The following CLCC1 variants were observed in gnomAD, a reference collection of about 807,000 sequenced individuals.
CLCC1 encodes chloride channel CLIC like 1.
CLCC1 carries 39 observed loss-of-function variants against 63.3 expected under a neutral mutation model. That is an observed-to-expected ratio of 0.62 (90% confidence interval 0.48 to 0.81). The LOEUF is 0.81. CLCC1 is among the 30% of genes least tolerant of loss of function. The pLI is 0.00. For synonymous variants in CLCC1, 217 were observed against 239.8 expected, an observed-to-expected ratio of 0.90 and a Z score of 0.88; for missense variants, 549 against 669.4, an observed-to-expected ratio of 0.82 and a Z score of 1.98.
At chr1:108,940,293 G>C (rs1653678368) in intron 8 of CLCC1, 151 bp from the exon 9 acceptor site, 1 of 438,368 alleles carries the variant, frequency 2.3e-6, no homozygotes. Context: ...CTGTAATGCT[G>C]ATTTTTAAAT....
intron 8 of CLCC1, 45 bp from the exon 9 acceptor site, chr1:108,940,187 T>C (rs751770891): frequency 7.5e-7 from 1 of 1,327,610 alleles, no homozygotes; most frequent in Admixed American, 1.8e-5. Flanking sequence ...CTTTTAATGT[T>C]GCATTTCATT....
intron 11 of CLCC1, 31 bp downstream of exon 11, chr1:108,937,046 G>A (rs889620749): frequency 5.6e-6 from 8 of 1,421,740 alleles, no homozygotes; most frequent in Non-Finnish European, 7.5e-6. Context: ...AGTAATGAAG[G>A]GACAGCAGAA....
chr1:108,931,405 A>C lies in CLCC1; in HGVS notation c.*1142T>G. The stretch of plus-strand genomic sequence containing the variant: ...GGGACAGACTGGGACCTGGAGTAAC[A>C]CTGGATCACAGACTGCAAAGGCCCA... On this transcript the variant is annotated 3_prime_UTR_variant, in exon 13 of 13. Transcript: ENST00000369969. 6.4e-7 allele frequency: 1 copy of C among 1,551,128 alleles called. No individual in the cohort carries two copies. Among genetic ancestry groups the C allele is most frequent in the Non-Finnish European group, 8.7e-7 (1 of 1,147,120 alleles).
intron 5 of CLCC1, among the ~76,000 whole-genome samples, chr1:108,945,581 A>G (rs1306979183): frequency 1.3e-5 from 2 of 152,212 alleles, no homozygotes. Flanking sequence ...AATGAGGTCA[A>G]TTCATAAATA....
rs201203368 is a variant in CLCC1, at chr1:108,949,906, A to T, written c.145T>A (p.Ser49Thr). The change falls in exon 4 of 13, where the codon TCA becomes ACA. Residue 49 changes from serine to threonine, a missense_variant. Coordinates refer to ENST00000369969, the MANE Select transcript of CLCC1 (RefSeq NM_001377458.1). The stretch of plus-strand genomic sequence containing the variant: ...TCAGGACTGACATCCTTTTCCCCTG[A>T]AATACCATATTTTGCCTAAAACAGA... ...MRKSQAKYGI[S>T]GEKDVSPDLS... 3.3e-5 allele frequency: 53 copies of T among 1,596,220 alleles called. No individual in the cohort carries two copies. The highest frequency in any genetic ancestry group is 4.3e-5 in the Non-Finnish European group (50 of 1,172,488).
intron 2 of CLCC1, among the ~76,000 whole-genome samples, chr1:108,960,063 G>A (rs1656426638): frequency 6.6e-6 from 1 of 152,110 alleles, no homozygotes; most frequent in African/African-American, 2.4e-5. Context: ...GAGCCGGGGA[G>A]GTTGAAGCTG....
intron 2 of CLCC1, among the ~76,000 whole-genome samples, chr1:108,956,660 C>A (rs370823670): frequency 2.5e-3 from 328 of 133,490 alleles, no homozygotes; most frequent in Middle Eastern, 4.1e-3. Context: ...GACTCCGTCT[C>A]AAAAAAAAAA....
chr1:108,955,178 A>G (rs1655720966), intron 2 of CLCC1, among the ~76,000 whole-genome samples: 1 of 151,326 alleles, frequency 6.6e-6, no homozygotes, highest in African/African-American at 2.5e-5. Flanking sequence ...AGGAGTCTAC[A>G]CAGACAAAGG....
intron 2 of CLCC1, among the ~76,000 whole-genome samples, chr1:108,960,140 AAAAC>A (rs993092055): frequency 1.3e-5 from 2 of 152,214 alleles, no homozygotes; most frequent in Admixed American, 6.5e-5. Context: ...ACTCAATTAA[AAAAC>A]AAACAAACAA....
Position 108,934,776 on chromosome 1 carries a change from A to G in CLCC1, c.1550T>C (p.Leu517Pro), listed in dbSNP as rs1652620293. The part of the protein sequence containing the change: ...EGSPAAEKAQ[L>P]KSEAAGSPDQ... ...TGGGCTGCCTGCGGCTTCAGACTTG[A>G]GCTGGGCCTTTTCCGCTGCGGGTGA... Residue 517 changes from leucine to proline, a missense_variant, in exon 12 of 13, where the codon CTC becomes CCC. By Grantham distance (98) the Leu-to-Pro change is moderately conservative. Transcript: ENST00000369969. 1 of 1,613,996 alleles carries G rather than the reference A, an allele frequency of 6.2e-7. No homozygotes were observed. Among genetic ancestry groups the G allele is most frequent in the African/African-American group, 1.3e-5 (1 of 74,892 alleles).
At chr1:108,942,180 T>C (rs561117129) in intron 7 of CLCC1, among the ~76,000 whole-genome samples, 17 of 152,218 alleles carry the variant, frequency 1.1e-4, no homozygotes, top group East Asian at 3.9e-4. Context: ...GGAGGTTGCA[T>C]TGAGCCGAGA....
chr1:108,949,731 C>T (rs1654958769), intron 4 of CLCC1, 89 bp downstream of exon 4: 1 of 696,810 alleles, frequency 1.4e-6, no homozygotes, highest in Non-Finnish European at 2.3e-6. Context: ...CACGGAAACA[C>T]TAGAAATACA....
In CLCC1 at chr1:108,944,024, C is replaced by T; in HGVS notation, c.373G>A (p.Ala125Thr). 3 of 1,608,720 alleles carry T rather than the reference C, an allele frequency of 1.9e-6. No homozygotes were observed. Among genetic ancestry groups the T allele is most frequent in the Non-Finnish European group, 2.5e-6 (3 of 1,178,136 alleles). ...GTTTCTCTTTTAAGGATAATCTCAGCATCATAATGCATATCGCCTTTGTTT... is the reference window on the plus strand; with the variant it reads ...GTTTCTCTTTTAAGGATAATCTCAGTATCATAATGCATATCGCCTTTGTTT... Reference protein sequence around the residue: ...DENKGDMHYDAEIILKRETLL... With the variant: ...DENKGDMHYDTEIILKRETLL... The change falls in exon 6 of 13, where the codon GCT becomes ACT. Residue 125 changes from alanine to threonine, a missense_variant. By Grantham distance (58) the Ala-to-Thr change is moderately conservative. Transcript: ENST00000369969.
intron 5 of CLCC1, among the ~76,000 whole-genome samples, chr1:108,945,114 AATAC>A (rs1326845264): frequency 6.6e-6 from 1 of 152,216 alleles, no homozygotes; most frequent in Non-Finnish European, 1.5e-5. Flanking sequence ...CCTTATTTAA[AATAC>A]ATATTGTTCA....
intron 2 of CLCC1, among the ~76,000 whole-genome samples, chr1:108,954,512 A>C (rs9662585): frequency 0.039 from 5,877 of 150,736 alleles, 190 homozygotes; most frequent in Middle Eastern, 0.095. Context: ...AAACAACAAC[A>C]ACCACCACCA....
Position 108,950,421 on chromosome 1 carries a change from A to G in CLCC1, c.17T>C (p.Leu6Pro). The G allele has an allele frequency of 6.2e-7, 1 of 1,608,916 alleles. No individual in the cohort carries two copies. The highest frequency in any genetic ancestry group is 8.5e-7 in the Non-Finnish European group (1 of 1,176,738). Residue 6 changes from leucine to proline, a missense_variant, in exon 3 of 13, where the codon CTC becomes CCC. Physicochemically the swap from Leu to Pro is moderately conservative, Grantham distance 98 (BLOSUM62 -3). Transcript: ENST00000369969. ...TACCAGCAACAGACATTCACAAAGG[A>G]GCAAAGAACACAGCATCCTGTATAA... is the stretch of plus-strand genomic sequence containing the variant. MLCSL[L>P]LCECLLLVAG... is the part of the protein sequence containing the mutation.
chr1:108,953,614 C>T (rs985125586), intron 2 of CLCC1, among the ~76,000 whole-genome samples: 9 of 152,322 alleles, frequency 5.9e-5, no homozygotes, highest in Admixed American at 3.9e-4. Flanking sequence ...ACACCCAGCC[C>T]AGTGGTTGGC....
intron 12 of CLCC1, 136 bp downstream of exon 12, chr1:108,934,489 A>G (rs887608917): frequency 4.7e-6 from 3 of 644,660 alleles, no homozygotes; most frequent in Admixed American, 3.0e-5. Context: ...GCTTTTACAT[A>G]TATAACGTGT....
At chr1:108,949,779 C>CA in intron 4 of CLCC1, 41 bp downstream of exon 4, 1 of 1,040,482 alleles carries the variant, frequency 9.6e-7, no homozygotes, top group Non-Finnish European at 1.4e-6. Context: ...AGCGATTTAA[C>CA]ATAATATAAA....
Sources: allele counts gnomAD v4.1 joint callset (sites outside exome capture counted in the v4.1 genomes callset), GRCh38; gene constraint gnomAD v4.1.1; transcripts MANE v1.5; gene names NCBI Gene and HGNC (gene_info 2026-07-23, HGNC 2026-07-21).